MMP16: variants seen among roughly 807,000 people sequenced by gnomAD.
The protein encoded by MMP16 is matrix metallopeptidase 16, also known as matrix metalloproteinase-16.
Under a neutral mutation model 67.8 loss-of-function variants are expected in MMP16, and 12 were observed. That is an observed-to-expected ratio of 0.18 (90% CI 0.11 to 0.29). The LOEUF (loss-of-function observed/expected upper bound fraction) is 0.29. MMP16 is among the 10% of genes least tolerant of loss of function. The pLI, the probability that MMP16 is intolerant of heterozygous loss-of-function variation, is 1.00. For synonymous variants in MMP16, 249 were observed against 255.9 expected, an observed-to-expected ratio of 0.97 and a Z score of 0.26; for missense variants, 475 against 765.7, an observed-to-expected ratio of 0.62 and a Z score of 4.48.
At chr8:88,262,058 A>C (rs1810396398) in intron 1 of MMP16, among the ~76,000 whole-genome samples, 1 of 152,196 alleles carries the variant, frequency 6.6e-6, no homozygotes, top group African/African-American at 2.4e-5. Flanking sequence ...TGCCTAGCAC[A>C]GGGCCAAAAC....
At chr8:88,102,064 T>C (rs1253353320) in intron 6 of MMP16, among the ~76,000 whole-genome samples, 1 of 151,888 alleles carries the variant, frequency 6.6e-6, no homozygotes, top group Non-Finnish European at 1.5e-5. Flanking sequence ...TGCTCTCATA[T>C]CAACACAACA....
intron 1 of MMP16, among the ~76,000 whole-genome samples, chr8:88,250,502 T>C (rs1194726235): frequency 1.3e-5 from 2 of 152,082 alleles, no homozygotes; most frequent in African/African-American, 4.8e-5. Context: ...TCCCTTGAGC[T>C]CAACTTACTA....
intron 1 of MMP16, among the ~76,000 whole-genome samples, chr8:88,264,031 C>CATATATATATATATATATATAT (rs1491101969): frequency 2.5e-5 from 1 of 40,306 alleles, no homozygotes; most frequent in African/African-American, 6.8e-5. Flanking sequence ...ACAAAAATGG[C>CATATATATATATATATATATAT]ACATATATAT....
chr8:88,260,260 TCA>T (rs1388328800), intron 1 of MMP16, among the ~76,000 whole-genome samples: 3 of 152,158 alleles, frequency 2.0e-5, no homozygotes, highest in Non-Finnish European at 4.4e-5. Flanking sequence ...AACAGTTCCT[TCA>T]CAAAACACTC....
At chr8:88,146,608 C>T (rs1808294148) in intron 4 of MMP16, among the ~76,000 whole-genome samples, 1 of 151,762 alleles carries the variant, frequency 6.6e-6, no homozygotes, top group Non-Finnish European at 1.5e-5. Context: ...AACCATAGTA[C>T]TATATTTCTG....
intron 1 of MMP16, among the ~76,000 whole-genome samples, chr8:88,323,507 T>C (rs2130233399): frequency 6.6e-6 from 1 of 152,276 alleles, no homozygotes; most frequent in African/African-American, 2.4e-5. Context: ...CAAAATCAAT[T>C]TTTGCCTTAT....
intron 1 of MMP16, among the ~76,000 whole-genome samples, chr8:88,299,153 T>C (rs1241248048): frequency 6.6e-6 from 1 of 152,182 alleles, no homozygotes; most frequent in Non-Finnish European, 1.5e-5. Context: ...ACCTACACTC[T>C]GGAACGACAC....
intron 4 of MMP16, among the ~76,000 whole-genome samples, chr8:88,165,462 A>T (rs1808697119): frequency 6.6e-6 from 1 of 152,010 alleles, no homozygotes; most frequent in African/African-American, 2.4e-5. Context: ...ATCAAAAGAA[A>T]ATCTTTCCCC....
chr8:88,123,000 G>T lies in MMP16; in HGVS notation c.710-4139C>A, dbSNP rs374368595. 8.3e-4 allele frequency among the ~76,000 whole-genome samples: 126 copies of T among 151,700 alleles called. 1 individual carries two copies. In the South Asian group the frequency reaches 0.025, roughly 31 times the overall value. On this transcript the variant is annotated intron_variant, in intron 4 of 9. Coordinates refer to ENST00000286614, the MANE Select transcript of MMP16 (RefSeq NM_005941.5). ...TATGAGTGCAGCCCCGGCCAACATGGATATCCATGAAATAACTCTAGCCAG... is the reference window on the plus strand; with the variant it reads ...TATGAGTGCAGCCCCGGCCAACATGTATATCCATGAAATAACTCTAGCCAG...
At chr8:88,274,716 T>A (rs927635743) in intron 1 of MMP16, among the ~76,000 whole-genome samples, 2 of 152,038 alleles carry the variant, frequency 1.3e-5, no homozygotes, top group Non-Finnish European at 2.9e-5. Context: ...ATTAGGCTTG[T>A]TCATCTGTGT....
intron 1 of MMP16, among the ~76,000 whole-genome samples, chr8:88,300,684 C>T (rs1053693405): frequency 7.2e-5 from 11 of 152,160 alleles, no homozygotes; most frequent in African/African-American, 2.7e-4. Flanking sequence ...GGGTTTGGTA[C>T]TATTGCTGGT....
rs1808107769 is a variant in MMP16 at position 88,039,865 on chromosome 8, A to C, written c.*1596T>G. 6.6e-6 allele frequency: 1 copy of C among 152,644 alleles called. No individual in the cohort carries two copies. Among genetic ancestry groups the C allele is most frequent in the Admixed American group, 6.5e-5 (1 of 15,270 alleles). The allele number at this position is 152,644 out of a possible 1,614,324, so 9.5% of individuals were successfully genotyped here. ...GCTCTGCAGGTCACATGAAAATGAC[A>C]ATACTGCTGTTAGGACAAATTACAC... On this transcript the variant is annotated 3_prime_UTR_variant, in exon 10 of 10. Transcript: ENST00000286614. The surrounding 1 kb of genome is among the most constrained non-coding windows in gnomAD (Gnocchi z 4.5).
chr8:88,057,413 C>A (rs1225834988), intron 7 of MMP16, among the ~76,000 whole-genome samples: 1 of 152,048 alleles, frequency 6.6e-6, no homozygotes, highest in Non-Finnish European at 1.5e-5. Context: ...CAGTAAACAC[C>A]CATTACCCTA....
intron 1 of MMP16, among the ~76,000 whole-genome samples, chr8:88,324,266 A>G (rs747262319): frequency 1.3e-5 from 2 of 152,190 alleles, no homozygotes; most frequent in Non-Finnish European, 2.9e-5. Flanking sequence ...TTTCATCACC[A>G]TATTAAAAAT....
At chr8:88,192,911 C>G (rs1351620082) in intron 2 of MMP16, among the ~76,000 whole-genome samples, 1 of 152,004 alleles carries the variant, frequency 6.6e-6, no homozygotes, top group East Asian at 1.9e-4. Context: ...ATAATGAAAG[C>G]TGGGGGGCAT....
At position 88,040,346 on chromosome 8, in the gene MMP16, T is replaced by G. The variant is rs796144927; in HGVS notation, c.*1115A>C. ...GATATCTGTTTTAAAAACCTGAACT[T>G]CTTGAACTTGTGACTGTTTTTACCA... On this transcript the variant is annotated 3_prime_UTR_variant, in exon 10 of 10. Coordinates refer to ENST00000286614, the MANE Select transcript of MMP16 (RefSeq NM_005941.5). 8 of 152,732 alleles carry G rather than the reference T, an allele frequency of 5.2e-5. No individual in the cohort carries two copies. The highest frequency in any genetic ancestry group is 1.9e-4 in the African/African-American group (8 of 41,564). The allele number at this position is 152,732 out of a possible 1,614,324, so 9.5% of individuals were successfully genotyped here.
chr8:88,186,658 T>TA (rs1809080095), intron 2 of MMP16, 60 bp from the exon 3 acceptor site: 1 of 1,475,398 alleles, frequency 6.8e-7, no homozygotes, highest in African/African-American at 1.5e-5. Context: ...CTAACAACCC[T>TA]AATCATTAAA....
intron 8 of MMP16, among the ~76,000 whole-genome samples, chr8:88,048,097 G>A (rs1022442359): frequency 6.6e-6 from 1 of 152,202 alleles, no homozygotes; most frequent in African/African-American, 2.4e-5. Flanking sequence ...GGAAGTAAGG[G>A]AAGGTAAGCT....
In MMP16 at chr8:88,237,521, G is replaced by T. The variant is rs966163227; in HGVS notation, c.133-40215C>A. Among the ~76,000 whole-genome samples the T allele has an allele frequency of 6.6e-5, 10 of 151,966 alleles. 1 individual carries two copies. The highest frequency in any genetic ancestry group is 1.7e-4 in the African/African-American group (7 of 41,474). On this transcript the variant is annotated intron_variant, in intron 1 of 9. Transcript: ENST00000286614. ...AAATTAGCCGGGCGTAGTGGCGGGT[G>T]CCTGTTAGTCCCAGCTACTCGGGAG... is the stretch of plus-strand genomic sequence containing the variant.
Sources: gnomAD v4.1 joint callset for allele counts (sites outside exome capture counted in the v4.1 genomes callset) on GRCh38, gnomAD v4.1.1 for gene constraint, Gnocchi (gnomAD v3.1) non-coding constraint, MANE v1.5 for transcripts, NCBI Gene and HGNC (gene_info 2026-07-23, HGNC 2026-07-21) for gene names.